The following CD163L1 variants were observed in gnomAD, a reference collection of about 807,000 sequenced individuals.
CD163L1 encodes CD163 molecule like 1.
In CD163L1, 124 loss-of-function variants were observed where a neutral mutation model predicts 165.4. That is an observed-to-expected ratio of 0.75 (90% CI 0.65 to 0.87). The LOEUF is 0.87. CD163L1 is among the 40% of genes least tolerant of loss of function. The probability of loss-of-function intolerance (pLI) is 0.00; values close to 1 mark genes in which losing one functional copy is unlikely to be tolerated. For missense variants in CD163L1, 1,525 were observed against 1,799.9 expected (o/e 0.85, Z 2.76); for synonymous variants, 585 against 662.2 (o/e 0.88, Z 1.79).
intron 8 of CD163L1, among the ~76,000 whole-genome samples, chr12:7,395,440 G>A (rs944647469): frequency 3.9e-5 from 6 of 152,158 alleles, no homozygotes; most frequent in South Asian, 2.1e-4. Flanking sequence ...ACTGGGGCCT[G>A]TCGGTTGGTG....
At chr12:7,380,225 T>C in intron 8 of CD163L1, among the ~76,000 whole-genome samples, 1 of 151,788 alleles carries the variant, frequency 6.6e-6, no homozygotes, top group Non-Finnish European at 1.5e-5. Context: ...TGCAAAAATA[T>C]GGAACCAGCC....
intron 6 of CD163L1, among the ~76,000 whole-genome samples, chr12:7,402,203 T>C (rs1184026484): frequency 5.9e-5 from 9 of 152,132 alleles, no homozygotes. Context: ...AGGCTAAATT[T>C]ACTGTACACA....
chr12:7,363,588 T>C (rs1490896528), intron 18 of CD163L1, among the ~76,000 whole-genome samples: 5 of 151,306 alleles, frequency 3.3e-5, no homozygotes, highest in Non-Finnish European at 7.4e-5. Context: ...AATGAAAAGG[T>C]AGACATAACA....
At chr12:7,373,844 T>C (rs1249270840) in intron 13 of CD163L1, among the ~76,000 whole-genome samples, 1 of 152,206 alleles carries the variant, frequency 6.6e-6, no homozygotes, top group African/African-American at 2.4e-5. Context: ...TTCCCAAGAA[T>C]AGTATTTGAG....
At chr12:7,408,878 T>C (rs1331988892) in intron 4 of CD163L1, among the ~76,000 whole-genome samples, 1 of 152,150 alleles carries the variant, frequency 6.6e-6, no homozygotes, top group East Asian at 1.9e-4. Context: ...GAGCATAGGA[T>C]AAAAAGGGAG....
chr12:7,374,931 A>G lies in CD163L1; in HGVS notation c.3002-8T>C. 1 of 1,613,946 alleles carries G rather than the reference A, an allele frequency of 6.2e-7. No homozygotes were observed. The highest frequency in any genetic ancestry group is 8.5e-7 in the Non-Finnish European group (1 of 1,179,816). Reference sequence around the variant, plus strand: ...GTGGCTGGGTCAGGCTTCCTGGTGGAGGGTGCAGGAAATGGGGCAAAAGTA... The same window carrying G: ...GTGGCTGGGTCAGGCTTCCTGGTGGGGGGTGCAGGAAATGGGGCAAAAGTA... On this transcript the variant is annotated splice_region_variant and splice_polypyrimidine_tract_variant and intron_variant, in intron 11 of 19. Coordinates refer to ENST00000313599, the MANE Select transcript of CD163L1 (RefSeq NM_174941.6). The surrounding 1 kb of genome is among the most constrained non-coding windows in gnomAD (Gnocchi z 5.4).
At chr12:7,345,381 A>T (rs1946662903), downstream of CD163L1, among the ~76,000 whole-genome samples, 1 of 152,180 alleles carries the variant, frequency 6.6e-6, no homozygotes, top group South Asian at 2.1e-4. Context: ...AACAGAAAGC[A>T]GCCAAGCTCT....
Position 7,367,338 on chromosome 12 carries a change from A to C in CD163L1, c.4184-7T>G. The C allele has an allele frequency of 6.3e-7, 1 of 1,585,624 alleles. No homozygotes were observed. Among genetic ancestry groups the C allele is most frequent in the Non-Finnish European group, 8.7e-7 (1 of 1,154,402 alleles). ...CCCCTCCTTCTGGTTGAAACTGAGA[A>C]TGGATGCTTCATGGTTAGGATTCAA... On this transcript the variant is annotated splice_polypyrimidine_tract_variant and splice_region_variant and intron_variant, in intron 17 of 19. Transcript: ENST00000313599.
intron 4 of CD163L1, among the ~76,000 whole-genome samples, chr12:7,428,514 T>C (rs776948112): frequency 1.4e-4 from 22 of 152,034 alleles, no homozygotes; most frequent in Admixed American, 7.9e-4. Flanking sequence ...ACTTATCTCT[T>C]TAGTTCCTTT....
intron 2 of CD163L1, among the ~76,000 whole-genome samples, chr12:7,435,040 A>G (rs951555473): frequency 6.6e-6 from 1 of 152,090 alleles, no homozygotes; most frequent in Non-Finnish European, 1.5e-5. Context: ...GGCTGTGCTC[A>G]TATCATATAA....
intron 2 of CD163L1, among the ~76,000 whole-genome samples, chr12:7,436,410 T>C (rs1336269993): frequency 6.6e-6 from 1 of 152,012 alleles, no homozygotes; most frequent in African/African-American, 2.4e-5. Flanking sequence ...AATAAGAAAA[T>C]TGCACAAATA....
chr12:7,404,486 G>A (rs1279858929), intron 5 of CD163L1, among the ~76,000 whole-genome samples: 1 of 152,116 alleles, frequency 6.6e-6, no homozygotes, highest in Non-Finnish European at 1.5e-5. Context: ...TGCTCCATCA[G>A]CATATACATC....
At chr12:7,388,431 A>G (rs1212437179) in intron 8 of CD163L1, among the ~76,000 whole-genome samples, 3 of 152,190 alleles carry the variant, frequency 2.0e-5, no homozygotes, top group African/African-American at 7.2e-5. Flanking sequence ...ACAGGAAAAC[A>G]AAACAAATAA....
chr12:7,415,472 A>C, intron 4 of CD163L1, among the ~76,000 whole-genome samples: 1 of 152,182 alleles, frequency 6.6e-6, no homozygotes, highest in East Asian at 1.9e-4. Flanking sequence ...ACATGTGCAG[A>C]ACATGCAGGT....
chr12:7,401,136 G>C (rs1052389927), intron 6 of CD163L1, among the ~76,000 whole-genome samples: 1 of 152,002 alleles, frequency 6.6e-6, no homozygotes, highest in Non-Finnish European at 1.5e-5. Flanking sequence ...AGTGACCTGG[G>C]TGAGTTACTT....
chr12:7,428,169 T>C (rs1214792368), intron 4 of CD163L1, among the ~76,000 whole-genome samples: 1 of 152,074 alleles, frequency 6.6e-6, no homozygotes, highest in African/African-American at 2.4e-5. Flanking sequence ...CTGTTTTGAT[T>C]GCCAAGATAT....
downstream of CD163L1, among the ~76,000 whole-genome samples, chr12:7,353,232 A>G (rs1313301742): frequency 6.6e-6 from 1 of 152,102 alleles, no homozygotes; most frequent in East Asian, 1.9e-4. Flanking sequence ...AGAGAAAAAA[A>G]TCGGTAAATT....
rs1327957023 is a variant in CD163L1 at position 7,433,146 on chromosome 12, CTCTG to C, written c.445+224_445+227del. Reference sequence around the variant, plus strand: ...CATTGGTAACTGTAATGCATTCTCTCTCTGTCTCTCTCTTTCTCTCTCCATTTCT... The same window carrying C: ...CATTGGTAACTGTAATGCATTCTCTCTCTCTCTCTTTCTCTCTCCATTTCT... On this transcript the variant is annotated intron_variant, in intron 3 of 19. Transcript: ENST00000313599. Among the ~76,000 whole-genome samples, 11 of 152,272 alleles carry C rather than the reference CTCTG, an allele frequency of 7.2e-5. No homozygotes were observed. The South Asian group carries it at 1.0e-3, about 14-fold the overall frequency.
Position 7,373,552 on chromosome 12 carries a change from G to A in CD163L1, c.3498C>T (p.Ser1166=), listed in dbSNP as rs1292950598. The change falls in exon 14 of 20, where the codon AGC becomes AGT. Residue 1166 remains serine (S), a synonymous_variant. Coordinates refer to ENST00000313599, the MANE Select transcript of CD163L1 (RefSeq NM_174941.6). Reference sequence around the variant, plus strand: ...CTGTGGTGATGTTCCTCCTGCCGACGCTGCCCCAGGTCCCGTTATAGAAGA... The same window carrying A: ...CTGTGGTGATGTTCCTCCTGCCGACACTGCCCCAGGTCCCGTTATAGAAGA... ...LEVFYNGTWG[S]VGRRNITTAI... The A allele has an allele frequency of 4.3e-6, 7 of 1,614,158 alleles. No homozygotes were observed. Among genetic ancestry groups the A allele is most frequent in the South Asian group, 3.3e-5 (3 of 91,070 alleles).
Sources: gnomAD v4.1 joint callset for allele counts (sites outside exome capture counted in the v4.1 genomes callset) on GRCh38, gnomAD v4.1.1 for gene constraint, Gnocchi (gnomAD v3.1) non-coding constraint, MANE v1.5 for transcripts, NCBI Gene and HGNC (gene_info 2026-07-23, HGNC 2026-07-21) for gene names.